Variants in MOG observed in about 807,000 individuals in gnomAD.
The protein encoded by MOG is myelin oligodendrocyte glycoprotein, also known as myelin-oligodendrocyte glycoprotein.
Under a neutral mutation model 35.9 loss-of-function variants are expected in MOG, and 20 were observed. The observed-to-expected ratio is 0.56, with a 90% CI of 0.39 to 0.81. The LOEUF (loss-of-function observed/expected upper bound fraction) is 0.81, where lower values mean the gene tolerates loss of function less well. Ranked by LOEUF, MOG falls within the 30% of genes least tolerant of loss-of-function variation. The probability of loss-of-function intolerance (pLI) is 0.00; values close to 1 mark genes in which losing one functional copy is unlikely to be tolerated. For synonymous variants in MOG, 92 were observed against 114.3 expected (o/e 0.80, Z 1.25); for missense variants, 251 against 301.0 (o/e 0.83, Z 1.23).
At chr6:29,664,385 T>A (rs1340427085) in intron 2 of MOG, among the ~76,000 whole-genome samples, 1 of 151,916 alleles carries the variant, frequency 6.6e-6, no homozygotes, top group Non-Finnish European at 1.5e-5. Flanking sequence ...TTTTGTATTA[T>A]CAGTAGAGAG....
intron 2 of MOG, chr6:29,661,246 T>A (rs1768661095): frequency 2.9e-6 from 1 of 346,712 alleles, no homozygotes; most frequent in East Asian, 1.7e-4. Flanking sequence ...CTATTGTATC[T>A]TGGAGGTGGG....
At chr6:29,664,061 A>T (rs1769581121) in intron 2 of MOG, 1 of 212,436 alleles carries the variant, frequency 4.7e-6, no homozygotes, top group East Asian at 1.8e-4. Context: ...TGAGGAGCAG[A>T]CCTAGAATGG....
At position 29,671,870 on chromosome 6, in the gene MOG, C is replaced by G. The variant is rs914383108; in HGVS notation, c.*685C>G. ...CTACTTACACATCTTCCACAGGTCT[C>G]AGAATCTTTCCTTCCTCTCATCCTT... On this transcript the variant is annotated 3_prime_UTR_variant, in exon 8 of 8. Coordinates refer to ENST00000376917, the MANE Select transcript of MOG (RefSeq NM_206809.4). 3.6e-5 allele frequency: 8 copies of G among 222,384 alleles called. No homozygotes were observed. Among genetic ancestry groups the G allele is most frequent in the Non-Finnish European group, 7.2e-5 (8 of 111,796 alleles). 13.8% of individuals were successfully genotyped at this position (222,384 alleles called of 1,614,324 possible). A position where few individuals can be genotyped will look rare whatever the true frequency, so the allele number is the denominator to read the frequency against.
rs776035126 is a variant in MOG at position 29,671,475 on chromosome 6, A to G, written c.*290A>G. On this transcript the variant is annotated 3_prime_UTR_variant, in exon 8 of 8. Coordinates refer to ENST00000376917, the MANE Select transcript of MOG (RefSeq NM_206809.4). Reference sequence around the variant, plus strand: ...AGGACAGGCAGGTGCCCCTCTCTCCATCAGAGGACACCTGTACTGGAGAGC... The same window carrying G: ...AGGACAGGCAGGTGCCCCTCTCTCCGTCAGAGGACACCTGTACTGGAGAGC... 6.9e-7 allele frequency: 1 copy of G among 1,445,222 alleles called. No individual in the cohort carries two copies. The highest frequency in any genetic ancestry group is 1.4e-5 in the African/African-American group (1 of 71,514). 89.5% of individuals were successfully genotyped at this position (1,445,222 alleles called of 1,614,324 possible).
intron 5 of MOG, among the ~76,000 whole-genome samples, chr6:29,668,690 T>C (rs939985854): frequency 6.6e-6 from 1 of 152,146 alleles, no homozygotes; most frequent in African/African-American, 2.4e-5. Flanking sequence ...CACACATCTT[T>C]ACACACCCAA....
intron 1 of MOG, among the ~76,000 whole-genome samples, chr6:29,658,542 A>G (rs1007023770): frequency 6.6e-6 from 1 of 152,208 alleles, no homozygotes; most frequent in Non-Finnish European, 1.5e-5. Flanking sequence ...ATGGAGAGAC[A>G]GTTAAAGTAG....
At chr6:29,658,820 A>C (rs1767777493) in intron 1 of MOG, among the ~76,000 whole-genome samples, 2 of 152,202 alleles carry the variant, frequency 1.3e-5, no homozygotes, top group African/African-American at 4.8e-5. Flanking sequence ...TGTTCTCAAG[A>C]AGGAAACTTG....
chr6:29,671,290 A>C lies in MOG; in HGVS notation c.*105A>C. ...TTGCACACTCACTGGCATCTTTGCT[A>C]TGGGGACATTCCAATTTGCACTTTC... On this transcript the variant is annotated 3_prime_UTR_variant, in exon 8 of 8. Coordinates refer to ENST00000376917, the MANE Select transcript of MOG (RefSeq NM_206809.4). 1 of 1,611,824 alleles carries C rather than the reference A, an allele frequency of 6.2e-7. No individual in the cohort carries two copies. Among genetic ancestry groups the C allele is most frequent in the South Asian group, 1.1e-5 (1 of 91,024 alleles).
rs761342509 is a variant in MOG at position 29,670,425 on chromosome 6, C to A, written c.709+28C>A. The A allele has an allele frequency of 7.5e-6, 12 of 1,604,548 alleles. No individual in the cohort carries two copies. The African/African-American group carries it at 1.6e-4, about 21-fold the overall frequency. On this transcript the variant is annotated intron_variant, in intron 6 of 7. Coordinates refer to ENST00000376917, the MANE Select transcript of MOG (RefSeq NM_206809.4). The surrounding 1 kb of genome is among the most constrained non-coding windows in gnomAD (Gnocchi z 4.2). ...GCAGTGGCTGGGCAGCAGGCAAGACCACCAAATAGTGGGGGACCAAGTCAG... is the reference window on the plus strand; with the variant it reads ...GCAGTGGCTGGGCAGCAGGCAAGACAACCAAATAGTGGGGGACCAAGTCAG...
At position 29,671,785 on chromosome 6, in the gene MOG, G is replaced by C; in HGVS notation, c.*600G>C. The stretch of plus-strand genomic sequence containing the variant: ...TCCTCCTTGTCTTGGCAGCCTACTA[G>C]GGACCTGGGGAAGCAAAAACGAAAG... On this transcript the variant is annotated 3_prime_UTR_variant, in exon 8 of 8. Coordinates refer to ENST00000376917, the MANE Select transcript of MOG (RefSeq NM_206809.4). The C allele has an allele frequency of 2.6e-6, 1 of 384,078 alleles. No individual in the cohort carries two copies. Among genetic ancestry groups the C allele is most frequent in the Non-Finnish European group, 4.7e-6 (1 of 213,726 alleles). The allele number at this position is 384,078 out of a possible 1,614,324, so 23.8% of individuals were successfully genotyped here. A position where few individuals can be genotyped will look rare whatever the true frequency, so the allele number is the denominator to read the frequency against.
In MOG at chr6:29,662,033, T is replaced by G; in HGVS notation, c.436+2367T>G. The G allele has an allele frequency of 1.0e-6, 1 of 985,396 alleles. No individual in the cohort carries two copies. Among genetic ancestry groups the G allele is most frequent in the Non-Finnish European group, 1.2e-6 (1 of 829,916 alleles). The allele number at this position is 985,396 out of a possible 1,614,324, so 61.0% of individuals were successfully genotyped here. The stretch of plus-strand genomic sequence containing the variant: ...AGTTGAGACAAATTTAGGAATGAGA[T>G]GAAGTAATGGTATTATTGCAAGTCT... On this transcript the variant is annotated intron_variant, in intron 2 of 7. Coordinates refer to ENST00000376917, the MANE Select transcript of MOG (RefSeq NM_206809.4). This position sits in a 1 kb window ranked among gnomAD's most constrained non-coding sequence, Gnocchi z 4.2.
rs929040292 is a variant in MOG at position 29,659,214 on chromosome 6, G to T, written c.89-105G>T. ...GGCTCTAGAATGTCATTTAAAAGTC[G>T]AGTGTCTTCTTCCTTCCCTGTTTTG... is the stretch of plus-strand genomic sequence containing the variant. On this transcript the variant is annotated intron_variant, in intron 1 of 7. Coordinates refer to ENST00000376917, the MANE Select transcript of MOG (RefSeq NM_206809.4). The T allele has an allele frequency of 4.1e-5, 39 of 951,484 alleles. No homozygotes were observed. In the African/African-American group the frequency reaches 5.2e-4, roughly 13 times the overall value. The allele number at this position is 951,484 out of a possible 1,614,324, so 58.9% of individuals were successfully genotyped here.
chr6:29,659,235 T>C, intron 1 of MOG, 84 bp from the exon 2 acceptor site: 3 of 1,291,286 alleles, frequency 2.3e-6, no homozygotes, highest in Non-Finnish European at 3.4e-6. Context: ...TCCTTCCCTG[T>C]TTTGAAGCAG....
At chr6:29,664,619 T>G in intron 2 of MOG, 1 of 452,560 alleles carries the variant, frequency 2.2e-6, no homozygotes, top group Non-Finnish European at 4.4e-6. Flanking sequence ...TTTTTTTTTT[T>G]TTTGAGACAG....
chr6:29,670,022 G>T lies in MOG; in HGVS notation c.593-259G>T, dbSNP rs148436137. The T allele has an allele frequency of 1.6e-3, 1,167 of 716,192 alleles. 10 individuals carry two copies. Among genetic ancestry groups the T allele is most frequent in the Middle Eastern group, 0.013 (35 of 2,716 alleles). The allele number at this position is 716,192 out of a possible 1,614,324, so 44.4% of individuals were successfully genotyped here. On this transcript the variant is annotated intron_variant, in intron 5 of 7. Transcript: ENST00000376917. The surrounding 1 kb of genome is among the most constrained non-coding windows in gnomAD (Gnocchi z 4.2). The stretch of plus-strand genomic sequence containing the variant: ...TTGGCCTCATGATCCACCCGTCTCG[G>T]ACTCCCAGAGTGTTGGGATTACAGG...
Position 29,672,190 on chromosome 6 carries a change from A to C in MOG, c.*1005A>C, listed in dbSNP as rs1281629770. ...ATAATACCAGCTACTCCGGAGGCTG[A>C]GGCAGGAGAATCGCTTGAACCCAGG... On this transcript the variant is annotated 3_prime_UTR_variant, in exon 8 of 8. Transcript: ENST00000376917. 6.4e-6 allele frequency: 1 copy of C among 155,604 alleles called. No individual in the cohort carries two copies. Among genetic ancestry groups the C allele is most frequent in the Non-Finnish European group, 1.4e-5 (1 of 70,890 alleles). 9.6% of individuals were successfully genotyped at this position (155,604 alleles called of 1,614,324 possible).
chr6:29,658,838 G>T (rs1212883926), intron 1 of MOG, among the ~76,000 whole-genome samples: 5 of 152,222 alleles, frequency 3.3e-5, no homozygotes, highest in Non-Finnish European at 7.3e-5. Flanking sequence ...TTGAGGCCGG[G>T]TGTGGTGGTT....
chr6:29,667,227 A>G (rs1770409543), intron 3 of MOG, among the ~76,000 whole-genome samples: 1 of 152,222 alleles, frequency 6.6e-6, no homozygotes. Context: ...AGTCATGCAA[A>G]GTGCCTACTA....
Position 29,670,350 on chromosome 6 carries a change from T to G in MOG, c.662T>G (p.Leu221Trp). The G allele has an allele frequency of 6.2e-7, 1 of 1,614,180 alleles. No homozygotes were observed. The highest frequency in any genetic ancestry group is 2.2e-5 in the East Asian group (1 of 44,886). Residue 221 changes from leucine to tryptophan, a missense_variant, in exon 6 of 8, where the codon TTG (leucine) becomes TGG (tryptophan). Leu to Trp is a moderately conservative substitution (Grantham distance 61, BLOSUM62 -2). Coordinates refer to ENST00000376917, the MANE Select transcript of MOG (RefSeq NM_206809.4). This position sits in a 1 kb window ranked among gnomAD's most constrained non-coding sequence, Gnocchi z 4.2. ...GTAATTGTGCCGGTTCTTGGACCCT[T>G]GGTTGCCTTGATCATCTGCTACAAC... ...LFVIVPVLGP[L>W]VALIICYNWL...
Sources: allele counts gnomAD v4.1 joint callset (sites outside exome capture counted in the v4.1 genomes callset), GRCh38; gene constraint gnomAD v4.1.1; non-coding constraint Gnocchi (gnomAD v3.1); transcripts MANE v1.5; gene names NCBI Gene and HGNC (gene_info 2026-07-23, HGNC 2026-07-21).